The following PRMT8 variants were observed in gnomAD, a reference collection of about 807,000 sequenced individuals.
PRMT8 encodes protein arginine methyltransferase 8, also known as protein arginine N-methyltransferase 8.
In PRMT8, 7 loss-of-function variants were observed where a neutral mutation model predicts 47.1. That is an observed-to-expected ratio of 0.15 (90% CI 0.08 to 0.28). The LOEUF is 0.28. PRMT8 is among the 10% of genes least tolerant of loss of function. The pLI is 1.00. For missense variants in PRMT8, 237 were observed against 505.4 expected (o/e 0.47, Z 5.09); for synonymous variants, 188 against 186.5 (o/e 1.01, Z -0.07).
chr12:3,543,070 G>A (rs1280734738), intron 2 of PRMT8, among the ~76,000 whole-genome samples: 3 of 152,190 alleles, frequency 2.0e-5, no homozygotes, highest in Non-Finnish European at 4.4e-5. Flanking sequence ...GCTGAGCAGG[G>A]GACTTAGAGT....
rs1865436315 is a variant in PRMT8 at position 3,492,497 on chromosome 12, G to C, written c.75+797G>C. Among the ~76,000 whole-genome samples, 1 of 152,208 alleles carries C rather than the reference G, an allele frequency of 6.6e-6. No homozygotes were observed. On this transcript the variant is annotated intron_variant, in intron 1 of 9. Transcript: ENST00000382622. The surrounding 1 kb of genome is among the most constrained non-coding windows in gnomAD (Gnocchi z 7.5). The stretch of plus-strand genomic sequence containing the variant: ...CCACCCGTCCCGCAAGGGCTTTTGA[G>C]GAGGTCGCTCTAGCTCCGCAAATTG...
chr12:3,395,292 A>C (rs1051131484), intron 1 of PRMT8, among the ~76,000 whole-genome samples: 1 of 149,642 alleles, frequency 6.7e-6, no homozygotes. Flanking sequence ...TAGTTCTTTT[A>C]ATTGTGATGT....
rs1249698762 is a variant in PRMT8 at position 3,442,878 on chromosome 12, C to T, written c.48+61436C>T. ...TTCACTATGTTGGCCAGGCTGGTCTCGAACTCCTGACCTGGTGATCCACCC... is the reference window on the plus strand; with the variant it reads ...TTCACTATGTTGGCCAGGCTGGTCTTGAACTCCTGACCTGGTGATCCACCC... On this transcript the variant is annotated intron_variant, in intron 1 of 9. Coordinates refer to the PRMT8 transcript ENST00000452611. Among the ~76,000 whole-genome samples, 12 of 152,042 alleles carry T rather than the reference C, an allele frequency of 7.9e-5. No individual in the cohort carries two copies. The East Asian group carries it at 1.7e-3, about 22-fold the overall frequency.
intron 1 of PRMT8, among the ~76,000 whole-genome samples, chr12:3,402,974 C>T (rs191067736): frequency 9.2e-5 from 14 of 152,120 alleles, no homozygotes; most frequent in Admixed American, 6.5e-4. Flanking sequence ...TGGGTATATA[C>T]CTGAAGGAAT....
intron 1 of PRMT8, among the ~76,000 whole-genome samples, chr12:3,532,822 G>T (rs75373421): frequency 6.6e-6 from 1 of 152,166 alleles, no homozygotes; most frequent in African/African-American, 2.4e-5. Flanking sequence ...ATTGGTTTCT[G>T]TCCTTCAAGG....
At chr12:3,558,698 C>T (rs1005087334) in intron 4 of PRMT8, among the ~76,000 whole-genome samples, 5 of 152,150 alleles carry the variant, frequency 3.3e-5, no homozygotes, top group African/African-American at 9.7e-5. Flanking sequence ...GCTGGTTCCT[C>T]GTGATTGGAT....
At chr12:3,517,288 G>T (rs892177925) in intron 1 of PRMT8, among the ~76,000 whole-genome samples, 4 of 152,170 alleles carry the variant, frequency 2.6e-5, no homozygotes, top group Non-Finnish European at 4.4e-5. Flanking sequence ...GGGTGACTTT[G>T]TTTCTCACAA....
rs752624836 is a variant in PRMT8 at position 3,593,482 on chromosome 12, C to T, written c.*300C>T. The stretch of plus-strand genomic sequence containing the variant: ...AAACGTATTCGCGTCTCCCCGTCTC[C>T]TCCTTAACTGTGACTCTCCGGGTCT... On this transcript the variant is annotated 3_prime_UTR_variant, in exon 10 of 10. Coordinates refer to ENST00000382622, the MANE Select transcript of PRMT8 (RefSeq NM_019854.5). The surrounding 1 kb of genome is among the most constrained non-coding windows in gnomAD (Gnocchi z 4.8). The T allele has an allele frequency of 1.4e-4, 56 of 391,108 alleles. No homozygotes were observed. The highest frequency in any genetic ancestry group is 2.4e-4 in the Non-Finnish European group (52 of 215,292). The allele number at this position is 391,108 out of a possible 1,614,324, so 24.2% of individuals were successfully genotyped here.
intron 1 of PRMT8, among the ~76,000 whole-genome samples, chr12:3,526,691 A>T (rs1190992424): frequency 6.6e-6 from 1 of 152,168 alleles, no homozygotes; most frequent in Non-Finnish European, 1.5e-5. Flanking sequence ...CAAACATAAC[A>T]ATTGGAATTG....
intron 1 of PRMT8, among the ~76,000 whole-genome samples, chr12:3,475,311 A>G (rs893930316): frequency 3.3e-5 from 5 of 152,204 alleles, no homozygotes; most frequent in African/African-American, 9.6e-5. Context: ...CCCACAGGAA[A>G]TGCACGATTT....
At chr12:3,410,871 T>C (rs550879129) in intron 1 of PRMT8, among the ~76,000 whole-genome samples, 5 of 152,356 alleles carry the variant, frequency 3.3e-5, no homozygotes, top group African/African-American at 9.6e-5. Flanking sequence ...ATCCTGGTAG[T>C]AAAAGCCCTC....
At position 3,456,300 on chromosome 12, in the gene PRMT8, G is replaced by T. The variant is rs574231675; in HGVS notation, c.48+74858G>T. On this transcript the variant is annotated intron_variant, in intron 1 of 9. Transcript: ENST00000452611. This position sits in a 1 kb window ranked among gnomAD's most constrained non-coding sequence, Gnocchi z 4.2. ...ATGGCCCAAACTACAGTTCCTCTGGGGGTGGTTCATTTACAAAGTGGAGCT... is the reference window on the plus strand; with the variant it reads ...ATGGCCCAAACTACAGTTCCTCTGGTGGTGGTTCATTTACAAAGTGGAGCT... Among the ~76,000 whole-genome samples the T allele has an allele frequency of 6.6e-6, 1 of 152,152 alleles. No individual in the cohort carries two copies. The highest frequency in any genetic ancestry group is 1.5e-5 in the Non-Finnish European group (1 of 68,042).
chr12:3,390,047 G>A (rs1372171877), intron 1 of PRMT8, among the ~76,000 whole-genome samples: 5 of 152,256 alleles, frequency 3.3e-5, no homozygotes, highest in South Asian at 2.1e-4. Context: ...GTCCAGAGCC[G>A]CCTGTGCTTC....
chr12:3,542,003 C>G (rs1866240060), intron 2 of PRMT8, among the ~76,000 whole-genome samples: 1 of 146,134 alleles, frequency 6.8e-6, no homozygotes, highest in African/African-American at 2.5e-5. Flanking sequence ...AAACCTTCAC[C>G]TTTTGTTCCT....
At chr12:3,426,042 G>A (rs1864600722) in intron 1 of PRMT8, among the ~76,000 whole-genome samples, 1 of 152,222 alleles carries the variant, frequency 6.6e-6, no homozygotes, top group African/African-American at 2.4e-5. Context: ...TGACCCGCAG[G>A]GTGCAGGATT....
intron 1 of PRMT8, among the ~76,000 whole-genome samples, chr12:3,414,237 A>G (rs1181533439): frequency 2.0e-5 from 3 of 152,228 alleles, no homozygotes; most frequent in Non-Finnish European, 1.5e-5. Flanking sequence ...AAAAGGTGAT[A>G]ATATGGGAAT....
intron 8 of PRMT8, among the ~76,000 whole-genome samples, chr12:3,588,614 G>C (rs754962838): frequency 2.6e-5 from 4 of 152,190 alleles, no homozygotes; most frequent in Non-Finnish European, 5.9e-5. Flanking sequence ...AGCCATACCC[G>C]GCCTGTGGCA....
Position 3,593,259 on chromosome 12 carries a change from G to C in PRMT8, c.*77G>C, listed in dbSNP as rs146228449. 0.021 allele frequency: 26,787 copies of C among 1,258,464 alleles called. 345 individuals are homozygous for C. Among genetic ancestry groups the C allele is most frequent in the Non-Finnish European group, 0.025 (22,092 of 879,256 alleles). 78.0% of individuals were successfully genotyped at this position (1,258,464 alleles called of 1,614,324 possible). A position where few individuals can be genotyped will look rare whatever the true frequency, so the allele number is the denominator to read the frequency against. ...CTGCCGTGCCGTCCCAAAGAATACC[G>C]TTTGCAGGACTACACACTTGAAAAC... On this transcript the variant is annotated 3_prime_UTR_variant, in exon 10 of 10. Transcript: ENST00000382622. This position sits in a 1 kb window ranked among gnomAD's most constrained non-coding sequence, Gnocchi z 4.8.
chr12:3,542,971 A>G (rs1844199856), intron 2 of PRMT8, among the ~76,000 whole-genome samples: 1 of 152,240 alleles, frequency 6.6e-6, no homozygotes, highest in Admixed American at 6.5e-5. Context: ...ATCAAGTTTC[A>G]CCAAATAAAT....
Sources: allele counts gnomAD v4.1 joint callset (sites outside exome capture counted in the v4.1 genomes callset), GRCh38; gene constraint gnomAD v4.1.1; non-coding constraint Gnocchi (gnomAD v3.1); transcripts MANE v1.5; gene names NCBI Gene and HGNC (gene_info 2026-07-23, HGNC 2026-07-21).